The following C10orf143 variants were observed in gnomAD, a reference collection of about 807,000 sequenced individuals.
The protein encoded by C10orf143 is chromosome 10 open reading frame 143.
chr10:130,068,140 G>A (rs1860967720), intron 3 of C10orf143: 1 of 152,390 alleles, frequency 6.6e-6, no homozygotes. Flanking sequence ...AAAGGGAAGT[G>A]GGAGAGCCCA....
chr10:130,038,192 A>G (rs567263961), intron 3 of C10orf143, among the ~76,000 whole-genome samples: 2 of 152,246 alleles, frequency 1.3e-5, no homozygotes, highest in Non-Finnish European at 2.9e-5. Flanking sequence ...GGAGGCATGG[A>G]CCCTGCAGCA....
At chr10:130,100,657 TTA>T (rs1198244773) in intron 1 of C10orf143, among the ~76,000 whole-genome samples, 2 of 152,162 alleles carry the variant, frequency 1.3e-5, no homozygotes, top group Non-Finnish European at 2.9e-5. Flanking sequence ...AAATCAAATG[TTA>T]TGAGATCCAA....
In C10orf143 at chr10:130,079,555, A is replaced by T. The variant is rs1861171237; in HGVS notation, c.297+11T>A. On this transcript the variant is annotated intron_variant, in intron 3 of 3. Transcript: ENST00000637128. Reference sequence around the variant, plus strand: ...TCTTTTATGTCACAGCAAGAAGGTTAATGCACTTACAGATTCCCCTGCAAT... The same window carrying T: ...TCTTTTATGTCACAGCAAGAAGGTTTATGCACTTACAGATTCCCCTGCAAT... 2.5e-6 allele frequency: 1 copy of T among 398,976 alleles called. No individual in the cohort carries two copies. The highest frequency in any genetic ancestry group is 4.4e-6 in the Non-Finnish European group (1 of 226,082). 24.7% of individuals were successfully genotyped at this position (398,976 alleles called of 1,614,324 possible).
downstream of C10orf143, among the ~76,000 whole-genome samples, chr10:130,060,433 G>C (rs1316327754): frequency 6.6e-6 from 1 of 152,114 alleles, no homozygotes; most frequent in African/African-American, 2.4e-5. Flanking sequence ...CCATTTAATG[G>C]TATACTGTGT....
chr10:130,092,064 A>C (rs936285307), intron 1 of C10orf143, among the ~76,000 whole-genome samples: 1 of 152,202 alleles, frequency 6.6e-6, no homozygotes, highest in Non-Finnish European at 1.5e-5. Flanking sequence ...AATACAGAGA[A>C]CACCACAAAG....
chr10:130,049,348 T>G (rs1171717), intron 3 of C10orf143, among the ~76,000 whole-genome samples: 152,331 of 152,344 alleles, frequency 1, 76,159 homozygotes, highest in Middle Eastern at 1. Flanking sequence ...CGCCACCCTG[T>G]TGTGTTGTGA....
chr10:130,101,695 T>C (rs1433657045), intron 1 of C10orf143, among the ~76,000 whole-genome samples: 1 of 150,984 alleles, frequency 6.6e-6, no homozygotes, highest in Non-Finnish European at 1.5e-5. Flanking sequence ...TGAAATCCCA[T>C]CTCTATAAAA....
At position 130,055,952 on chromosome 10, in the gene C10orf143, T is replaced by TAAAAAAAAAA. The variant is rs369284797; in HGVS notation, c.298-19992_298-19983dup. ...CAGAGCAAGACTCCGTCTCCAAAAG[T>TAAAAAAAAAA]AAAAAAAAAAAAAAAAAAAAAAAAA... On this transcript the variant is annotated intron_variant and NMD_transcript_variant, in intron 3 of 5. Transcript: ENST00000643056. Among the ~76,000 whole-genome samples, 501 of 65,404 alleles carry TAAAAAAAAAA rather than the reference T, an allele frequency of 7.7e-3. 1 individual carries two copies. The highest frequency in any genetic ancestry group is 9.7e-3 in the Non-Finnish European group (360 of 37,004). The allele number at this position is 65,404 out of a possible 152,430, so 42.9% of individuals were successfully genotyped here.
At chr10:130,037,166 G>C (rs1860553746) in intron 3 of C10orf143, among the ~76,000 whole-genome samples, 1 of 152,218 alleles carries the variant, frequency 6.6e-6, no homozygotes, top group Non-Finnish European at 1.5e-5. Flanking sequence ...CAAGGGGACA[G>C]GGCGATGCCC....
chr10:130,100,004 A>T lies in C10orf143; in HGVS notation c.69+10700T>A, dbSNP rs191612148. Among the ~76,000 whole-genome samples, 212 of 146,278 alleles carry T rather than the reference A, an allele frequency of 1.4e-3. 1 individual carries two copies. The highest frequency in any genetic ancestry group is 8.3e-3 in the Middle Eastern group (2 of 240). On this transcript the variant is annotated intron_variant, in intron 1 of 3. Transcript: ENST00000637128. ...AGGCACGCGCCACCACACCCGGCTA[A>T]TTTTTGTATTTTTAGTAGAGACGGG...
chr10:130,063,923 T>C lies in C10orf143; in HGVS notation c.*431A>G, dbSNP rs1386702194. On this transcript the variant is annotated 3_prime_UTR_variant, in exon 4 of 4. Transcript: ENST00000637128. ...TTAAATATAAAAATAAGCCTTTTAA[T>C]GAAAGAGTGTGTAAATAGCCCTGGG... 2.5e-5 allele frequency: 4 copies of C among 158,608 alleles called. No homozygotes were observed. The highest frequency in any genetic ancestry group is 6.5e-5 in the Admixed American group (1 of 15,462). The allele number at this position is 158,608 out of a possible 1,614,324, so 9.8% of individuals were successfully genotyped here.
intron 1 of C10orf143, among the ~76,000 whole-genome samples, chr10:130,105,517 G>C (rs1861626554): frequency 6.6e-6 from 1 of 152,126 alleles, no homozygotes; most frequent in Non-Finnish European, 1.5e-5. Flanking sequence ...GATCACCTGA[G>C]GTCAGGAGTT....
At chr10:130,047,929 T>C (rs1367955252) in intron 3 of C10orf143, among the ~76,000 whole-genome samples, 5 of 152,192 alleles carry the variant, frequency 3.3e-5, no homozygotes, top group Non-Finnish European at 7.3e-5. Flanking sequence ...AGGCCAGCTG[T>C]TTTTGCCTTT....
intron 3 of C10orf143, among the ~76,000 whole-genome samples, chr10:130,073,537 A>C (rs150163156): frequency 4.6e-5 from 7 of 152,230 alleles, no homozygotes; most frequent in Non-Finnish European, 1.0e-4. Context: ...ACCCAGACCC[A>C]GGAACGGCCA....
At chr10:130,035,189 G>T (rs1860531187) in intron 4 of C10orf143, among the ~76,000 whole-genome samples, 1 of 152,216 alleles carries the variant, frequency 6.6e-6, no homozygotes, top group Non-Finnish European at 1.5e-5. Context: ...CCAAGATCAA[G>T]GTATCAGCAG....
At position 130,056,739 on chromosome 10, in the gene C10orf143, CCA is replaced by C. The variant is rs1465268195; in HGVS notation, c.298-20771_298-20770del. Among the ~76,000 whole-genome samples, 3 of 151,746 alleles carry C rather than the reference CCA, an allele frequency of 2.0e-5. No individual in the cohort carries two copies. The highest frequency in any genetic ancestry group is 4.4e-5 in the Non-Finnish European group (3 of 67,950). ...CCTGAGTAGCTGGGATTACAGGCAC[CCA>C]CCACCGCACCTGGCTAATTTTTTGT... On this transcript the variant is annotated intron_variant and NMD_transcript_variant, in intron 3 of 5. Transcript: ENST00000643056. The surrounding 1 kb of genome is among the most constrained non-coding windows in gnomAD (Gnocchi z 4.6).
intron 1 of C10orf143, among the ~76,000 whole-genome samples, chr10:130,081,417 G>A (rs1861206361): frequency 1.3e-5 from 2 of 152,294 alleles, no homozygotes; most frequent in South Asian, 4.1e-4. Flanking sequence ...GGCAGAGCAA[G>A]TACACAGAAA....
At chr10:130,103,072 G>A (rs902240501) in intron 1 of C10orf143, among the ~76,000 whole-genome samples, 3 of 151,422 alleles carry the variant, frequency 2.0e-5, no homozygotes, top group South Asian at 4.2e-4. Flanking sequence ...TCTGCCTCCC[G>A]GGCTCAAGCG....
intron 1 of C10orf143, chr10:130,106,368 T>C: frequency 1.2e-6 from 2 of 1,601,830 alleles, no homozygotes; most frequent in South Asian, 1.1e-5. Flanking sequence ...GACTATGAAG[T>C]AGCGTCATCG....
Sources: allele counts gnomAD v4.1 joint callset (sites outside exome capture counted in the v4.1 genomes callset), GRCh38; gene constraint gnomAD v4.1.1; non-coding constraint Gnocchi (gnomAD v3.1); transcripts MANE v1.5; gene names NCBI Gene and HGNC (gene_info 2026-07-23, HGNC 2026-07-21).